The following MTMR2 variants were observed in gnomAD, a reference collection of about 807,000 sequenced individuals.
The protein encoded by MTMR2 is myotubularin related protein 2.
MTMR2 carries 55 observed loss-of-function variants against 86.9 expected under a neutral mutation model. The ratio of observed to expected loss-of-function variants is 0.63; its 90% confidence interval spans 0.51 to 0.79. The LOEUF (loss-of-function observed/expected upper bound fraction) is 0.79, where lower values mean the gene tolerates loss of function less well. MTMR2 is among the 30% of genes least tolerant of loss of function. MTMR2 has a pLI of 0.00. For missense variants in MTMR2, 659 were observed against 772.3 expected, an observed-to-expected ratio of 0.85 and a Z score of 1.74; for synonymous variants, 241 against 266.8, an observed-to-expected ratio of 0.90 and a Z score of 0.94.
intron 11 of MTMR2, among the ~76,000 whole-genome samples, chr11:95,842,070 A>G (rs867713029): frequency 5.3e-4 from 80 of 152,226 alleles, no homozygotes; most frequent in African/African-American, 1.9e-3. Context: ...TCCAGCCTGC[A>G]TGACAGCAAG....
At chr11:95,887,878 T>A (rs1370270544) in intron 2 of MTMR2, 1 of 378,954 alleles carries the variant, frequency 2.6e-6, no homozygotes, top group Non-Finnish European at 4.9e-6. Flanking sequence ...CTGGTTATTA[T>A]GAGAATAATC....
chr11:95,910,952 T>G (rs1265150401), intron 1 of MTMR2, among the ~76,000 whole-genome samples: 3 of 152,074 alleles, frequency 2.0e-5, no homozygotes, highest in Admixed American at 6.6e-5. Context: ...TGTCAGAATA[T>G]TTGCAGGATC....
intron 1 of MTMR2, chr11:95,912,895 T>C (rs1031651770): frequency 6.6e-6 from 1 of 152,132 alleles, no homozygotes; most frequent in Non-Finnish European, 1.5e-5. Flanking sequence ...GTATAGCTTA[T>C]CAAGCACCTA....
intron 7 of MTMR2, among the ~76,000 whole-genome samples, chr11:95,853,019 G>A (rs1236726686): frequency 2.7e-5 from 4 of 147,710 alleles, no homozygotes; most frequent in South Asian, 4.3e-4. Flanking sequence ...TGGGTGACAC[G>A]GCGAGATTCT....
At position 95,858,647 on chromosome 11, in the gene MTMR2, G is replaced by C; in HGVS notation, c.469-15C>G. 1 of 1,492,774 alleles carries C rather than the reference G, an allele frequency of 6.7e-7. No homozygotes were observed. The highest frequency in any genetic ancestry group is 9.3e-7 in the Non-Finnish European group (1 of 1,073,214). The allele number at this position is 1,492,774 out of a possible 1,614,324, so 92.5% of individuals were successfully genotyped here. A position where few individuals can be genotyped will look rare whatever the true frequency, so the allele number is the denominator to read the frequency against. ...TTCCTAATATCCTAGAAAAGATTTA[G>C]GAACCAAGTTAATAATTGTTCACTA... On this transcript the variant is annotated splice_polypyrimidine_tract_variant and intron_variant, in intron 5 of 14. Coordinates refer to ENST00000346299, the MANE Select transcript of MTMR2 (RefSeq NM_016156.6).
At chr11:95,904,465 T>C (rs994350385) in intron 1 of MTMR2, among the ~76,000 whole-genome samples, 10 of 152,116 alleles carry the variant, frequency 6.6e-5, no homozygotes, top group African/African-American at 2.2e-4. Context: ...TCCCAGGAGA[T>C]TAAGGCATTC....
intron 1 of MTMR2, chr11:95,923,638 C>A: frequency 7.3e-7 from 1 of 1,373,618 alleles, no homozygotes; most frequent in Non-Finnish European, 9.4e-7. Flanking sequence ...GGGGAGAAAA[C>A]GAGATCGGAA....
chr11:95,870,638 T>C (rs550420852), intron 2 of MTMR2, among the ~76,000 whole-genome samples: 2 of 151,556 alleles, frequency 1.3e-5, no homozygotes, highest in South Asian at 4.2e-4. Context: ...AGAAAGCAGA[T>C]TCAATGAATA....
intron 1 of MTMR2, among the ~76,000 whole-genome samples, chr11:95,890,463 C>T (rs1226449587): frequency 6.6e-6 from 1 of 152,070 alleles, no homozygotes; most frequent in Non-Finnish European, 1.5e-5. Context: ...AGGAGAGCCA[C>T]GTGAGTCAAT....
At chr11:95,848,388 T>A (rs549526310) in intron 9 of MTMR2, among the ~76,000 whole-genome samples, 1 of 152,274 alleles carries the variant, frequency 6.6e-6, no homozygotes, top group South Asian at 2.1e-4. Context: ...CAAAATGACC[T>A]GCTTCTTTTT....
At chr11:95,904,572 C>A (rs1298648016) in intron 1 of MTMR2, among the ~76,000 whole-genome samples, 1 of 152,190 alleles carries the variant, frequency 6.6e-6, no homozygotes, top group Non-Finnish European at 1.5e-5. Context: ...CCAAATCCCA[C>A]CAAAACCAAG....
At chr11:95,908,554 C>G (rs1591045846) in intron 1 of MTMR2, among the ~76,000 whole-genome samples, 1 of 152,048 alleles carries the variant, frequency 6.6e-6, no homozygotes, top group African/African-American at 2.4e-5. Context: ...ACAAAAAGAA[C>G]AAATCTGGAG....
At chr11:95,890,803 C>A (rs1361742346) in intron 1 of MTMR2, among the ~76,000 whole-genome samples, 2 of 152,198 alleles carry the variant, frequency 1.3e-5, no homozygotes, top group African/African-American at 4.8e-5. Context: ...GCTCAAGAGG[C>A]TGAAGCAGAA....
At chr11:95,921,138 AG>A in intron 1 of MTMR2, among the ~76,000 whole-genome samples, 1 of 152,376 alleles carries the variant, frequency 6.6e-6, no homozygotes, top group South Asian at 2.1e-4. Context: ...GCAGTTATAT[AG>A]TTACCACTTA....
chr11:95,901,666 A>G (rs1163336273), intron 1 of MTMR2, among the ~76,000 whole-genome samples: 1 of 152,204 alleles, frequency 6.6e-6, no homozygotes, highest in Non-Finnish European at 1.5e-5. Context: ...GTACAGAACT[A>G]AAAGGAGAAA....
chr11:95,855,931 T>C (rs765433606), intron 7 of MTMR2, among the ~76,000 whole-genome samples: 13 of 152,268 alleles, frequency 8.5e-5, no homozygotes, highest in African/African-American at 1.4e-4. Flanking sequence ...GTGGTGGTAA[T>C]TGCACAATTT....
intron 12 of MTMR2, chr11:95,840,247 C>A (rs891855576): frequency 3.9e-5 from 6 of 152,146 alleles, no homozygotes; most frequent in African/African-American, 1.4e-4. Flanking sequence ...GCAGTACACA[C>A]AACCATCAAC....
intron 2 of MTMR2, among the ~76,000 whole-genome samples, chr11:95,869,236 A>G (rs535161574): frequency 3.0e-5 from 1 of 33,034 alleles, no homozygotes; most frequent in Admixed American, 2.4e-4. Flanking sequence ...CATGAAAATG[A>G]AAAAAAAAAA....
At chr11:95,893,917 C>T (rs944127627) in intron 1 of MTMR2, among the ~76,000 whole-genome samples, 1 of 152,280 alleles carries the variant, frequency 6.6e-6, no homozygotes, top group Non-Finnish European at 1.5e-5. Context: ...AGTGATCTTT[C>T]CAAAACCTAA....
Sources: allele counts gnomAD v4.1 joint callset (sites outside exome capture counted in the v4.1 genomes callset), GRCh38; gene constraint gnomAD v4.1.1; transcripts MANE v1.5; gene names NCBI Gene and HGNC (gene_info 2026-07-23, HGNC 2026-07-21).